Variants in UGT8 observed in about 807,000 individuals in gnomAD.
UGT8 encodes the protein 2-hydroxyacylsphingosine 1-beta-galactosyltransferase.
A neutral mutation model predicts 40.5 loss-of-function variants in UGT8; 12 were observed. The ratio of observed to expected loss-of-function variants is 0.30; its 90% confidence interval spans 0.19 to 0.48. The LOEUF (loss-of-function observed/expected upper bound fraction) is 0.48. UGT8 is among the 20% of genes least tolerant of loss of function. The pLI, the probability that UGT8 is intolerant of heterozygous loss-of-function variation, is 0.99. For synonymous variants in UGT8, 224 were observed against 240.4 expected, an observed-to-expected ratio of 0.93 and a Z score of 0.63; for missense variants, 513 against 648.7, an observed-to-expected ratio of 0.79 and a Z score of 2.27.
At chr4:114,665,634 G>T (rs1485401886) in intron 3 of UGT8, 46 bp from the exon 4 acceptor site, 1 of 1,518,782 alleles carries the variant, frequency 6.6e-7, no homozygotes, top group African/African-American at 1.4e-5. Context: ...CATACTATGA[G>T]TAAGGTTTGA....
At chr4:114,612,482 C>T (rs577705070) in intron 1 of UGT8, among the ~76,000 whole-genome samples, 18 of 152,158 alleles carry the variant, frequency 1.2e-4, no homozygotes, top group Admixed American at 2.6e-4. Flanking sequence ...TATAGCCATA[C>T]GTTCAAAGAT....
chr4:114,604,338 T>G (rs1027167662), intron 1 of UGT8, among the ~76,000 whole-genome samples: 1 of 152,180 alleles, frequency 6.6e-6, no homozygotes, highest in Non-Finnish European at 1.5e-5. Flanking sequence ...AAAATGTAAT[T>G]TAATATTTGA....
chr4:114,646,609 C>G (rs1733587467), intron 2 of UGT8, among the ~76,000 whole-genome samples: 1 of 152,150 alleles, frequency 6.6e-6, no homozygotes, highest in African/African-American at 2.4e-5. Context: ...TTTCCAGATG[C>G]ATTCAAGAGA....
At chr4:114,615,830 T>G (rs1371253970) in intron 1 of UGT8, among the ~76,000 whole-genome samples, 1 of 152,218 alleles carries the variant, frequency 6.6e-6, no homozygotes, top group East Asian at 1.9e-4. Flanking sequence ...AAAAATTGTC[T>G]TTCGTCTTTT....
intron 4 of UGT8, among the ~76,000 whole-genome samples, chr4:114,666,657 C>T (rs916531347): frequency 3.3e-5 from 5 of 152,054 alleles, no homozygotes; most frequent in Non-Finnish European, 7.4e-5. Flanking sequence ...TATTTCAGTG[C>T]GACAGTGTGA....
chr4:114,664,998 C>T (rs1051832578), intron 3 of UGT8, among the ~76,000 whole-genome samples: 1 of 152,194 alleles, frequency 6.6e-6, no homozygotes, highest in South Asian at 2.1e-4. Context: ...GGACTTTTCC[C>T]TTCAGATTCG....
chr4:114,645,434 G>A (rs1435831503), intron 2 of UGT8, among the ~76,000 whole-genome samples: 1 of 152,094 alleles, frequency 6.6e-6, no homozygotes, highest in Admixed American at 6.6e-5. Flanking sequence ...ATCAAGCTCA[G>A]GTCTTTTTGA....
chr4:114,601,528 C>T (rs6821888), intron 1 of UGT8, among the ~76,000 whole-genome samples: 4 of 151,700 alleles, frequency 2.6e-5, no homozygotes, highest in African/African-American at 9.7e-5. Context: ...TGCATTGGTA[C>T]TTATTTACAT....
At chr4:114,654,771 ACTT>A (rs1446523512) in intron 2 of UGT8, among the ~76,000 whole-genome samples, 2 of 152,112 alleles carry the variant, frequency 1.3e-5, no homozygotes, top group Non-Finnish European at 1.5e-5. Context: ...ACATAGGATT[ACTT>A]CTTCTGTAAT....
chr4:114,601,707 A>G (rs568650463), intron 1 of UGT8, among the ~76,000 whole-genome samples: 1 of 152,278 alleles, frequency 6.6e-6, no homozygotes, highest in Non-Finnish European at 1.5e-5. Context: ...TTATGAATTC[A>G]TAAAGAATTG....
At chr4:114,624,325 T>G (rs1384579867) in intron 2 of UGT8, among the ~76,000 whole-genome samples, 1 of 152,252 alleles carries the variant, frequency 6.6e-6, no homozygotes, top group Non-Finnish European at 1.5e-5. Flanking sequence ...ATGTGAAACT[T>G]AAATTCTTTT....
At chr4:114,663,891 T>C (rs964322270) in intron 2 of UGT8, 104 bp from the exon 3 acceptor site, 1 of 1,516,846 alleles carries the variant, frequency 6.6e-7, no homozygotes, top group Non-Finnish European at 8.8e-7. Context: ...TCTAATTGTT[T>C]AAGAAAATTA....
chr4:114,659,177 G>A (rs1222356483), intron 2 of UGT8, among the ~76,000 whole-genome samples: 1 of 152,060 alleles, frequency 6.6e-6, no homozygotes, highest in Non-Finnish European at 1.5e-5. Flanking sequence ...TTAACATATA[G>A]CATCTGATTA....
At position 114,676,840 on chromosome 4, in the gene UGT8, C is replaced by T. The variant is rs1341207646; in HGVS notation, c.*552C>T. 2 of 150,488 alleles carry T rather than the reference C, an allele frequency of 1.3e-5. No homozygotes were observed. The highest frequency in any genetic ancestry group is 3.0e-5 in the Non-Finnish European group (2 of 67,712). The allele number at this position is 150,488 out of a possible 1,614,324, so 9.3% of individuals were successfully genotyped here. A position where few individuals can be genotyped will look rare whatever the true frequency, so the allele number is the denominator to read the frequency against. On this transcript the variant is annotated 3_prime_UTR_variant, in exon 6 of 6. Transcript: ENST00000310836. ...CACTACCATGAAAGAACACTTCCCCCCAAAACTGGATGCAGAGGAAGAAAA... is the reference window on the plus strand; with the variant it reads ...CACTACCATGAAAGAACACTTCCCCTCAAAACTGGATGCAGAGGAAGAAAA...
intron 2 of UGT8, among the ~76,000 whole-genome samples, chr4:114,649,413 GA>G (rs565343709): frequency 1.3e-5 from 2 of 152,050 alleles, no homozygotes; most frequent in Non-Finnish European, 2.9e-5. Flanking sequence ...ACACATAATT[GA>G]AAAAAATTAA....
intron 2 of UGT8, among the ~76,000 whole-genome samples, chr4:114,640,355 A>G (rs1483283077): frequency 6.6e-6 from 1 of 152,150 alleles, no homozygotes; most frequent in Non-Finnish European, 1.5e-5. Context: ...AGAAGAAAAA[A>G]GTTTCTCAGG....
intron 5 of UGT8, among the ~76,000 whole-genome samples, chr4:114,673,839 T>C (rs1735452154): frequency 2.6e-5 from 4 of 152,194 alleles, no homozygotes; most frequent in Admixed American, 2.0e-4. Flanking sequence ...TTGCCATCAG[T>C]TAGAAATTAT....
intron 1 of UGT8, among the ~76,000 whole-genome samples, chr4:114,611,447 C>G (rs1053563074): frequency 1.2e-5 from 1 of 81,986 alleles, no homozygotes; most frequent in African/African-American, 5.4e-5. Context: ...TATATATATA[C>G]ACACACACAC....
chr4:114,669,858 G>C (rs972549382), intron 5 of UGT8, among the ~76,000 whole-genome samples: 2 of 152,144 alleles, frequency 1.3e-5, no homozygotes, highest in Admixed American at 1.3e-4. Context: ...CTTAGTCAAT[G>C]TAAAAATGCC....
Sources: allele counts gnomAD v4.1 joint callset (sites outside exome capture counted in the v4.1 genomes callset), GRCh38; gene constraint gnomAD v4.1.1; transcripts MANE v1.5; gene names NCBI Gene and HGNC (gene_info 2026-07-23, HGNC 2026-07-21).